Variants in LIMS1 observed in about 807,000 individuals in gnomAD.
LIMS1 encodes the protein LIM zinc finger domain containing 1.
LIMS1 carries 18 observed loss-of-function variants against 44.1 expected under a neutral mutation model. That is an observed-to-expected ratio of 0.41 (90% CI 0.28 to 0.61). The LOEUF is 0.61. Among genes scored for constraint, LIMS1 ranks in the 20% least tolerant of loss-of-function variants. The pLI, the probability that LIMS1 is intolerant of heterozygous loss-of-function variation, is 0.32. For synonymous variants in LIMS1, 93 were observed against 149.1 expected, an observed-to-expected ratio of 0.62 and a Z score of 2.74; for missense variants, 201 against 422.0, an observed-to-expected ratio of 0.48 and a Z score of 4.59.
At chr2:108,583,281 G>T (rs1365649583) in intron 1 of LIMS1, among the ~76,000 whole-genome samples, 7 of 151,004 alleles carry the variant, frequency 4.6e-5, no homozygotes, top group Non-Finnish European at 7.4e-5. Context: ...GACCTCAGAT[G>T]ATCTGCCCGC....
At chr2:108,681,510 T>A (rs1422336188) in intron 9 of LIMS1, 2 of 977,076 alleles carry the variant, frequency 2.0e-6, no homozygotes, top group African/African-American at 3.5e-5. Flanking sequence ...TTTGTCTGAT[T>A]AACTGTAGCT....
At chr2:108,590,008 T>G (rs13422997) in intron 1 of LIMS1, among the ~76,000 whole-genome samples, 55,108 of 152,094 alleles carry the variant, frequency 0.36, 11,859 homozygotes, top group East Asian at 0.88. Context: ...AGCAGGCCAC[T>G]CTTAAAGGAA....
chr2:108,626,581 A>G (rs1413675040), intron 1 of LIMS1, among the ~76,000 whole-genome samples: 1 of 152,144 alleles, frequency 6.6e-6, no homozygotes, highest in Admixed American at 6.5e-5. Flanking sequence ...AAGAGACTTT[A>G]CCATATTTCC....
intron 1 of LIMS1, among the ~76,000 whole-genome samples, chr2:108,616,197 CTTTTTT>C (rs1159229290): frequency 6.9e-5 from 5 of 71,950 alleles, no homozygotes; most frequent in East Asian, 1.1e-3. Flanking sequence ...TTTGCATGGG[CTTTTTT>C]TTTTTTTTTT....
chr2:108,554,292 A>G (rs1684850522), intron 1 of LIMS1, among the ~76,000 whole-genome samples: 6 of 152,190 alleles, frequency 3.9e-5, no homozygotes, highest in Admixed American at 2.6e-4. Flanking sequence ...CTTGATACCT[A>G]TTGCCCTTTA....
At position 108,550,537 on chromosome 2, in the gene LIMS1, C is replaced by A. The variant is rs1432113880; in HGVS notation, c.32+15943C>A. 6.2e-5 allele frequency among the ~76,000 whole-genome samples: 9 copies of A among 144,058 alleles called. No homozygotes were observed. In the East Asian group the frequency reaches 1.9e-3, roughly 31 times the overall value. The allele number at this position is 144,058 out of a possible 152,430, so 94.5% of individuals were successfully genotyped here. On this transcript the variant is annotated intron_variant, in intron 1 of 9. Transcript: ENST00000544547. ...TAAAAAAAAATAAATAAATAAAGCC[C>A]AGGCACGGTGGCTCACGCCTGTAAT... is the stretch of plus-strand genomic sequence containing the variant.
At chr2:108,680,410 AC>A (rs34912532) in intron 8 of LIMS1, among the ~76,000 whole-genome samples, 47,906 of 146,148 alleles carry the variant, frequency 0.33, 8,682 homozygotes, top group Middle Eastern at 0.5. Context: ...AGTGGCATGC[AC>A]CTGTAGTCCC....
intron 1 of LIMS1, among the ~76,000 whole-genome samples, chr2:108,642,606 G>A (rs826698): frequency 0.34 from 51,350 of 151,594 alleles, 9,326 homozygotes; most frequent in Middle Eastern, 0.52. Context: ...TGATCCGCCC[G>A]CCTCGGCCTC....
chr2:108,563,548 A>C (rs2104616003), intron 1 of LIMS1, among the ~76,000 whole-genome samples: 1 of 152,336 alleles, frequency 6.6e-6, no homozygotes, highest in African/African-American at 2.4e-5. Flanking sequence ...TTAGAAGTGG[A>C]GTCTTAAGTT....
intron 1 of LIMS1, among the ~76,000 whole-genome samples, chr2:108,557,677 C>A (rs1173289916): frequency 6.6e-6 from 1 of 151,910 alleles, no homozygotes; most frequent in African/African-American, 2.4e-5. Flanking sequence ...CCACCACGCC[C>A]AGCTAATTTT....
intron 1 of LIMS1, among the ~76,000 whole-genome samples, chr2:108,582,245 G>A (rs1685916035): frequency 6.6e-6 from 1 of 152,190 alleles, no homozygotes; most frequent in South Asian, 2.1e-4. Context: ...TCCCTAAGGA[G>A]CAAGTGGGAA....
intron 1 of LIMS1, among the ~76,000 whole-genome samples, chr2:108,650,399 CTTTCT>C (rs1244839086): frequency 7.3e-5 from 11 of 150,076 alleles, no homozygotes; most frequent in African/African-American, 2.2e-4. Flanking sequence ...GCCGCCTAAA[CTTTCT>C]TTTCTTTTCT....
rs190473064 is a variant in LIMS1 at position 108,625,530 on chromosome 2, G to A, written c.33-34075G>A. 5.3e-5 allele frequency among the ~76,000 whole-genome samples: 8 copies of A among 151,956 alleles called. No individual in the cohort carries two copies. In the East Asian group the frequency reaches 1.5e-3, roughly 29 times the overall value. Reference sequence around the variant, plus strand: ...CTCACCTCCCAGTTAGGTTTATCTTGCCTGGATAAAATCAGGGCTACGTCA... The same window carrying A: ...CTCACCTCCCAGTTAGGTTTATCTTACCTGGATAAAATCAGGGCTACGTCA... On this transcript the variant is annotated intron_variant, in intron 1 of 9. Coordinates refer to ENST00000544547, the Ensembl canonical transcript of LIMS1.
At chr2:108,588,513 C>T (rs962112213) in intron 1 of LIMS1, 35 of 985,388 alleles carry the variant, frequency 3.6e-5, no homozygotes, top group African/African-American at 8.7e-5. Flanking sequence ...AGGTAGAGTG[C>T]GTAGGTTTGC....
rs72833165 is a variant in LIMS1 at position 108,608,641 on chromosome 2, T to A, written c.33-50964T>A. 8.1e-3 allele frequency among the ~76,000 whole-genome samples: 1,230 copies of A among 152,084 alleles called. 4 individuals are homozygous for A. The highest frequency in any genetic ancestry group is 0.013 in the Non-Finnish European group (879 of 67,936). On this transcript the variant is annotated intron_variant, in intron 1 of 9. Transcript: ENST00000544547. ...TAAAACATTTATTTGTGTAGATGTGTGCTTCAGTGAATTTTCTTTTACAGC... is the reference window on the plus strand; with the variant it reads ...TAAAACATTTATTTGTGTAGATGTGAGCTTCAGTGAATTTTCTTTTACAGC...
At chr2:108,628,834 A>T (rs1688734313) in intron 1 of LIMS1, among the ~76,000 whole-genome samples, 1 of 152,170 alleles carries the variant, frequency 6.6e-6, no homozygotes, top group Non-Finnish European at 1.5e-5. Flanking sequence ...TTTTTCTGAG[A>T]CAGGGTCTTG....
At chr2:108,669,280 C>T (rs77041714) in intron 2 of LIMS1, among the ~76,000 whole-genome samples, 54,812 of 151,216 alleles carry the variant, frequency 0.36, 11,795 homozygotes, top group East Asian at 0.89. Flanking sequence ...TGGTGGTGGG[C>T]GCCTGTAATC....
chr2:108,534,646 G>T, intron 1 of LIMS1, 52 bp downstream of exon 1: 2 of 1,019,438 alleles, frequency 2.0e-6, no homozygotes, highest in South Asian at 4.5e-5. Context: ...AGCTCCCGGC[G>T]GGCCTTCGGG....
chr2:108,540,613 A>G (rs1454671983), intron 1 of LIMS1, among the ~76,000 whole-genome samples: 3 of 152,230 alleles, frequency 2.0e-5, no homozygotes, highest in African/African-American at 7.2e-5. Flanking sequence ...AGATCTAAGA[A>G]AATTTATTTA....
Sources: gnomAD v4.1 joint callset for allele counts (sites outside exome capture counted in the v4.1 genomes callset) on GRCh38, gnomAD v4.1.1 for gene constraint, MANE v1.5 for transcripts, NCBI Gene and HGNC (gene_info 2026-07-23, HGNC 2026-07-21) for gene names.